LEO1: variants seen among roughly 807,000 people sequenced by gnomAD.
LEO1 encodes the protein LEO1 component of Paf1/RNA polymerase II complex.
Under a neutral mutation model 80.4 loss-of-function variants are expected in LEO1, and 34 were observed. That is an observed-to-expected ratio of 0.42 (90% CI 0.32 to 0.56). The LOEUF (loss-of-function observed/expected upper bound fraction) is 0.56, where lower values mean the gene tolerates loss of function less well. Ranked by LOEUF, LEO1 falls within the 20% of genes least tolerant of loss-of-function variation. The pLI is 0.10. For missense variants in LEO1, 631 were observed against 814.2 expected, an observed-to-expected ratio of 0.77 and a Z score of 2.74; for synonymous variants, 262 against 274.9, an observed-to-expected ratio of 0.95 and a Z score of 0.46.
chr15:51,959,937 A>ATAT lies in LEO1; in HGVS notation c.1119_1121dup (p.Leu373_Tyr374insTer). ...TGAGAAAGTTGGGCAGTTTAACAAAATATAAGTCGTTTCCTAAATCAGTGT... is the reference window on the plus strand; with the variant it reads ...TGAGAAAGTTGGGCAGTTTAACAAAATATTATAAGTCGTTTCCTAAATCAGTGT... On this transcript the variant is annotated stop_gained, in exon 5 of 12. Coordinates refer to ENST00000299601, the MANE Select transcript of LEO1 (RefSeq NM_138792.4). LOFTEE classifies it high-confidence loss of function. The ATAT allele has an allele frequency of 1.9e-6, 3 of 1,612,634 alleles. No individual in the cohort carries two copies. Among genetic ancestry groups the ATAT allele is most frequent in the Non-Finnish European group, 2.5e-6 (3 of 1,179,450 alleles).
chr15:51,938,320 T>C (rs1419516532), intron 11 of LEO1, 60 bp from the exon 12 acceptor site: 5 of 989,626 alleles, frequency 5.1e-6, no homozygotes, highest in Non-Finnish European at 7.7e-6. Context: ...TAGGATGGTT[T>C]ATGAAAAGTA....
intron 9 of LEO1, 33 bp from the exon 10 acceptor site, chr15:51,950,027 A>G (rs549512771): frequency 5.7e-6 from 9 of 1,566,284 alleles, no homozygotes; most frequent in South Asian, 2.3e-5. Context: ...TTTAACCTAA[A>G]AAGGAGCTAC....
At chr15:51,952,235 T>C (rs2056955284) in intron 8 of LEO1, 1 of 314,982 alleles carries the variant, frequency 3.2e-6, no homozygotes. Flanking sequence ...GATCACCTTC[T>C]AGAAGCAATA....
chr15:51,947,293 T>C lies in LEO1; in HGVS notation c.1895A>G (p.Glu632Gly), dbSNP rs2056910026. 1 of 1,601,942 alleles carries C rather than the reference T, an allele frequency of 6.2e-7. No homozygotes were observed. The highest frequency in any genetic ancestry group is 1.1e-5 in the South Asian group (1 of 90,838). ...LLKAKKLTSD[E>G]EGEPSGKRKA... ...AGAATTGAATAAATTTGGTCTTACCTCATCACTGGTAAGTTTCTTTGCTTT... is the reference window on the plus strand; with the variant it reads ...AGAATTGAATAAATTTGGTCTTACCCCATCACTGGTAAGTTTCTTTGCTTT... Residue 632 changes from glutamate to glycine, a missense_variant and splice_region_variant, in exon 11 of 12, where the codon GAG (glutamate) becomes GGG (glycine). Transcript: ENST00000299601.
At chr15:51,940,917 G>A (rs924695299) in intron 11 of LEO1, among the ~76,000 whole-genome samples, 24 of 152,102 alleles carry the variant, frequency 1.6e-4, no homozygotes, top group African/African-American at 5.8e-4. Flanking sequence ...GGCCAACATG[G>A]TGAAACCCTG....
chr15:51,944,375 G>C (rs2056882097), intron 11 of LEO1, among the ~76,000 whole-genome samples: 1 of 152,072 alleles, frequency 6.6e-6, no homozygotes, highest in African/African-American at 2.4e-5. Context: ...AAAATCTCCT[G>C]AAAGAAAATT....
At chr15:51,952,096 A>G (rs2056953946) in intron 8 of LEO1, 117 bp from the exon 9 acceptor site, 1 of 809,360 alleles carries the variant, frequency 1.2e-6, no homozygotes, top group Non-Finnish European at 1.9e-6. Context: ...CTGAAAAAAT[A>G]GGCAGAGACA....
chr15:51,942,029 G>A (rs1271552968), intron 11 of LEO1, among the ~76,000 whole-genome samples: 1 of 152,180 alleles, frequency 6.6e-6, no homozygotes, highest in Non-Finnish European at 1.5e-5. Flanking sequence ...CTCTGGACTG[G>A]GGACCTGGGG....
intron 2 of LEO1, among the ~76,000 whole-genome samples, chr15:51,963,127 T>G (rs2057044867): frequency 6.6e-6 from 1 of 151,934 alleles, no homozygotes; most frequent in South Asian, 2.1e-4. Context: ...AATACAAAAA[T>G]TAGCCGGGTG....
intron 11 of LEO1, among the ~76,000 whole-genome samples, chr15:51,944,232 G>C (rs969354340): frequency 6.6e-6 from 1 of 152,090 alleles, no homozygotes; most frequent in Non-Finnish European, 1.5e-5. Flanking sequence ...CACATGCAAG[G>C]GAATCTCAAG....
At chr15:51,964,657 T>C (rs1324078222) in intron 2 of LEO1, among the ~76,000 whole-genome samples, 1 of 152,164 alleles carries the variant, frequency 6.6e-6, no homozygotes, top group Non-Finnish European at 1.5e-5. Context: ...CCTCCTCTTC[T>C]AATAACACCA....
rs150253181 is a variant in LEO1 at position 51,943,184 on chromosome 15, C to G, written c.1896+4108G>C. Among the ~76,000 whole-genome samples, 704 of 151,862 alleles carry G rather than the reference C, an allele frequency of 4.6e-3. 6 individuals are homozygous for G. Among genetic ancestry groups the G allele is most frequent in the African/African-American group, 0.016 (679 of 41,390 alleles). On this transcript the variant is annotated intron_variant, in intron 11 of 11. Transcript: ENST00000299601. ...CATGAGGTCAGCAGTTCAAGACCAG[C>G]CTGGCCAACATAGTGAAACCCCATG...
rs769115213 is a variant in LEO1, at chr15:51,965,942, C to A, written c.621G>T (p.Glu207Asp). 1 of 1,613,950 alleles carries A rather than the reference C, an allele frequency of 6.2e-7. No homozygotes were observed. The highest frequency in any genetic ancestry group is 1.3e-5 in the African/African-American group (1 of 74,906). Residue 207 changes from glutamate to aspartate, a missense_variant, in exon 2 of 12, where the codon GAG (glutamate) becomes GAT (aspartate). Glu to Asp is a conservative substitution (Grantham distance 45). This residue lies in a region of LEO1 where 394 missense variants were observed against 395.6 expected (regional missense o/e 1.00). Coordinates refer to ENST00000299601, the MANE Select transcript of LEO1 (RefSeq NM_138792.4). ...SDDERQQLSE[E>D]EKANSDDERP... ...GTTCATCATCAGAATTAGCCTTTTCCTCCTCAGATAGCTGTTGTCTCTCAT... is the reference window on the plus strand; with the variant it reads ...GTTCATCATCAGAATTAGCCTTTTCATCCTCAGATAGCTGTTGTCTCTCAT...
chr15:51,952,476 C>A (rs943437726), intron 8 of LEO1, among the ~76,000 whole-genome samples: 1 of 152,076 alleles, frequency 6.6e-6, no homozygotes, highest in Admixed American at 6.6e-5. Flanking sequence ...TGTATGTTAA[C>A]CTTTATAATT....
chr15:51,952,162 C>A, intron 8 of LEO1, 183 bp from the exon 9 acceptor site: 1 of 480,474 alleles, frequency 2.1e-6, no homozygotes, highest in East Asian at 3.3e-5. Context: ...CTGTGGCTCA[C>A]TGAGACATTC....
At position 51,971,710 on chromosome 15, in the gene LEO1, G is replaced by T. The variant is rs1181038247; in HGVS notation, c.36C>A (p.Ala12=). The T allele has an allele frequency of 5.6e-6, 9 of 1,614,050 alleles. No homozygotes were observed. The South Asian group carries it at 8.8e-5, about 16-fold the overall frequency. ...ADMEDLFGSD[A]DSEAERKDSD... ...CACCTTTACGCTCAGCTTCGCTGTCGGCGTCGCTCCCGAAGAGATCCTCCA... is the reference window on the plus strand; with the variant it reads ...CACCTTTACGCTCAGCTTCGCTGTCTGCGTCGCTCCCGAAGAGATCCTCCA... The change falls in exon 1 of 12, where the codon GCC becomes GCA. Residue 12 remains alanine, a synonymous_variant. Coordinates refer to ENST00000299601, the MANE Select transcript of LEO1 (RefSeq NM_138792.4).
chr15:51,947,211 C>G, intron 11 of LEO1, 81 bp downstream of exon 11: 2 of 891,508 alleles, frequency 2.2e-6, no homozygotes, highest in Non-Finnish European at 1.9e-6. Flanking sequence ...TTGTGCCTGC[C>G]TGATCTGTGA....
chr15:51,953,529 A>G (rs1269472465), intron 7 of LEO1, among the ~76,000 whole-genome samples: 1 of 152,136 alleles, frequency 6.6e-6, no homozygotes, highest in Admixed American at 6.6e-5. Flanking sequence ...CTGAGACAGG[A>G]TAACTGCTTG....
At chr15:51,957,080 C>T (rs2056995428) in intron 6 of LEO1, among the ~76,000 whole-genome samples, 1 of 152,122 alleles carries the variant, frequency 6.6e-6, no homozygotes, top group African/African-American at 2.4e-5. Context: ...ACCTCGGCCT[C>T]CCAAGGTACT....
Sources: gnomAD v4.1 joint callset for allele counts (sites outside exome capture counted in the v4.1 genomes callset) on GRCh38, gnomAD v4.1.1 for gene constraint, gnomAD v4.1.1 regional missense constraint, MANE v1.5 for transcripts, NCBI Gene and HGNC (gene_info 2026-07-23, HGNC 2026-07-21) for gene names.